Variants in ITPR2 observed in about 807,000 individuals in gnomAD.
ITPR2 encodes inositol 1,4,5-trisphosphate receptor type 2.
ITPR2 carries 207 observed loss-of-function variants against 317.1 expected under a neutral mutation model. That is an observed-to-expected ratio of 0.65 (90% CI 0.58 to 0.73). The LOEUF is 0.73. Among genes scored for constraint, ITPR2 ranks in the 30% least tolerant of loss-of-function variants. The pLI is 0.00. For missense variants in ITPR2, 2,613 were observed against 3,284.0 expected, an observed-to-expected ratio of 0.80 and a Z score of 4.99; for synonymous variants, 1,156 against 1,149.1, an observed-to-expected ratio of 1.01 and a Z score of -0.12.
At chr12:26,616,011 A>T (rs539112188) in intron 26 of ITPR2, among the ~76,000 whole-genome samples, 4 of 152,162 alleles carry the variant, frequency 2.6e-5, no homozygotes, top group Non-Finnish European at 5.9e-5. Flanking sequence ...GCAAACCTCA[A>T]TGAATTTTGG....
intron 13 of ITPR2, among the ~76,000 whole-genome samples, chr12:26,672,826 G>C (rs1294282284): frequency 6.6e-6 from 1 of 151,818 alleles, no homozygotes; most frequent in African/African-American, 2.4e-5. Flanking sequence ...GAAAAAAAGA[G>C]AGAAGAATCA....
At chr12:26,659,530 G>A (rs1592007290) in intron 15 of ITPR2, among the ~76,000 whole-genome samples, 1 of 152,026 alleles carries the variant, frequency 6.6e-6, no homozygotes, top group African/African-American at 2.4e-5. Context: ...TATCAGTATA[G>A]GTATTTTGGA....
chr12:26,482,244 G>T (rs943184644), intron 42 of ITPR2, among the ~76,000 whole-genome samples: 1 of 152,130 alleles, frequency 6.6e-6, no homozygotes, highest in Non-Finnish European at 1.5e-5. Flanking sequence ...AACTTAAAGA[G>T]AATCTTTTTG....
At chr12:26,769,027 C>CACACACACACACACACACACACA (rs55797555) in intron 2 of ITPR2, among the ~76,000 whole-genome samples, 5 of 112,354 alleles carry the variant, frequency 4.5e-5, no homozygotes, top group Non-Finnish European at 8.6e-5. Flanking sequence ...ACACACACAC[C>CACACACACACACACACACACACA]CCAATCTCAG....
At chr12:26,830,006 T>C (rs11048697) in intron 1 of ITPR2, among the ~76,000 whole-genome samples, 24,379 of 152,130 alleles carry the variant, frequency 0.16, 2,303 homozygotes, top group East Asian at 0.22. Flanking sequence ...CAGGTTCAAG[T>C]GATTCTCCTG....
chr12:26,490,434 A>G (rs1942772939), intron 39 of ITPR2, among the ~76,000 whole-genome samples: 1 of 152,258 alleles, frequency 6.6e-6, no homozygotes, highest in Admixed American at 6.5e-5. Context: ...CAAGGGGTAC[A>G]AAGATGAATA....
At chr12:26,340,434 A>T (rs1938071143) in intron 55 of ITPR2, 106 bp from the exon 56 acceptor site, 18 of 1,177,824 alleles carry the variant, frequency 1.5e-5, no homozygotes, top group Non-Finnish European at 2.0e-5. Context: ...CTTAGCACTC[A>T]AATTGGAGAG....
intron 41 of ITPR2, among the ~76,000 whole-genome samples, chr12:26,485,538 T>C (rs1375568791): frequency 1.3e-5 from 2 of 152,192 alleles, no homozygotes; most frequent in Non-Finnish European, 2.9e-5. Flanking sequence ...CAGAAATTCA[T>C]AGGCAATCCT....
At chr12:26,394,047 A>T (rs1939923432) in intron 54 of ITPR2, among the ~76,000 whole-genome samples, 1 of 152,236 alleles carries the variant, frequency 6.6e-6, no homozygotes, top group Non-Finnish European at 1.5e-5. Flanking sequence ...CTCTTAAAGA[A>T]GAGAAATTAA....
chr12:26,556,308 T>C lies in ITPR2; in HGVS notation c.4889A>G (p.Asp1630Gly), dbSNP rs757752208. The change falls in exon 36 of 57, where the codon GAT becomes GGT. Residue 1630 changes from aspartate to glycine, a missense_variant. Asp to Gly is a moderately conservative substitution (Grantham distance 94). This residue lies in a region of ITPR2 where 926 missense variants were observed against 1,072.8 expected (regional missense o/e 0.86). Transcript: ENST00000381340. Reference sequence around the variant, plus strand: ...CAGCAGTTCTGGACTGTACAATACATCAACCAACACTGAGAATTCAGCCTG... The same window carrying C: ...CAGCAGTTCTGGACTGTACAATACACCAACCAACACTGAGAATTCAGCCTG... ...MMQAEFSVLV[D>G]VLYSPELLFP... 1 of 1,614,048 alleles carries C rather than the reference T, an allele frequency of 6.2e-7. No individual in the cohort carries two copies. The highest frequency in any genetic ancestry group is 8.5e-7 in the Non-Finnish European group (1 of 1,179,960).
intron 34 of ITPR2, among the ~76,000 whole-genome samples, chr12:26,575,777 G>A (rs1205740591): frequency 6.6e-6 from 1 of 152,152 alleles, no homozygotes; most frequent in South Asian, 2.1e-4. Flanking sequence ...CCAAATCTCT[G>A]CAATTCTATG....
rs1397885040 is a variant in ITPR2 at position 26,686,524 on chromosome 12, G to A, written c.1105C>T (p.Leu369=). The change falls in exon 11 of 57, where the codon CTA becomes TTA. Residue 369 remains leucine, a synonymous_variant. Coordinates refer to ENST00000381340, the MANE Select transcript of ITPR2 (RefSeq NM_002223.4). ...HGNDIASLFE[L]DATTLQRADC... Reference sequence around the variant, plus strand: ...GCTCTCTGAAGAGTTGTGGCATCTAGTTCAAAAAGGGATGCAATGTCATTG... The same window carrying A: ...GCTCTCTGAAGAGTTGTGGCATCTAATTCAAAAAGGGATGCAATGTCATTG... 1.9e-6 allele frequency: 3 copies of A among 1,610,894 alleles called. No individual in the cohort carries two copies. The highest frequency in any genetic ancestry group is 4.5e-5 in the East Asian group (2 of 44,698).
At chr12:26,455,498 G>A (rs1266806397) in intron 45 of ITPR2, among the ~76,000 whole-genome samples, 1 of 152,054 alleles carries the variant, frequency 6.6e-6, no homozygotes, top group East Asian at 1.9e-4. Flanking sequence ...GTCTAAGTAG[G>A]GATTCAGATC....
In ITPR2 at chr12:26,686,555, C is replaced by A. The variant is rs201250480; in HGVS notation, c.1074G>T (p.Pro358=). 9.9e-5 allele frequency: 159 copies of A among 1,611,786 alleles called. No individual in the cohort carries two copies. In the African/African-American group the frequency reaches 1.8e-3, roughly 19 times the overall value. The change falls in exon 11 of 57, where the codon CCG becomes CCT. Residue 358 remains proline (P), a synonymous_variant. Coordinates refer to ENST00000381340, the MANE Select transcript of ITPR2 (RefSeq NM_002223.4). ...AAAGGGATGCAATGTCATTGCCATG[C>A]GGGACTGAAACCAAAGTATACATGA... ...EKIMYTLVSV[P]HGNDIASLFE...
intron 1 of ITPR2, among the ~76,000 whole-genome samples, chr12:26,824,688 C>T (rs988707424): frequency 6.6e-6 from 1 of 152,108 alleles, no homozygotes; most frequent in Admixed American, 6.5e-5. Flanking sequence ...TAAAACCATA[C>T]ATAAAACTGG....
intron 34 of ITPR2, among the ~76,000 whole-genome samples, chr12:26,575,572 T>C (rs1269572925): frequency 1.3e-5 from 2 of 152,060 alleles, no homozygotes; most frequent in Non-Finnish European, 2.9e-5. Context: ...TCTTCACCTA[T>C]CTTGATTATA....
intron 37 of ITPR2, among the ~76,000 whole-genome samples, chr12:26,523,201 CTTCT>C (rs1053823093): frequency 6.6e-6 from 1 of 152,168 alleles, no homozygotes; most frequent in Non-Finnish European, 1.5e-5. Context: ...TATTACCTTC[CTTCT>C]TTTATCCCAC....
rs1948134105 is a variant in ITPR2, at chr12:26,686,714, G to T, written c.997-82C>A. On this transcript the variant is annotated intron_variant, in intron 10 of 56. Coordinates refer to ENST00000381340, the MANE Select transcript of ITPR2 (RefSeq NM_002223.4). Reference sequence around the variant, plus strand: ...ATTAATCAGGTGATAAGGTTTAAATGTGCATGTTATTTCTTCCTTGGATTG... The same window carrying T: ...ATTAATCAGGTGATAAGGTTTAAATTTGCATGTTATTTCTTCCTTGGATTG... 7.5e-6 allele frequency: 9 copies of T among 1,204,640 alleles called. No homozygotes were observed. The South Asian group carries it at 1.4e-4, about 19-fold the overall frequency. 74.6% of individuals were successfully genotyped at this position (1,204,640 alleles called of 1,614,324 possible). A position where few individuals can be genotyped will look rare whatever the true frequency, so the allele number is the denominator to read the frequency against.
chr12:26,356,587 G>T (rs1257366044), intron 55 of ITPR2, among the ~76,000 whole-genome samples: 1 of 152,214 alleles, frequency 6.6e-6, no homozygotes, highest in Admixed American at 6.5e-5. Context: ...CACAAATGGA[G>T]TGTGGAAACA....
Sources: allele counts gnomAD v4.1 joint callset (sites outside exome capture counted in the v4.1 genomes callset), GRCh38; gene constraint gnomAD v4.1.1; regional missense constraint gnomAD v4.1.1; transcripts MANE v1.5; gene names NCBI Gene and HGNC (gene_info 2026-07-23, HGNC 2026-07-21).